The following KHDRBS3 variants were observed in gnomAD, a reference collection of about 807,000 sequenced individuals.
KHDRBS3 encodes the protein KH domain-containing, RNA-binding, signal transduction-associated protein 3.
KHDRBS3 carries 23 observed loss-of-function variants against 45.6 expected under a neutral mutation model. That is an observed-to-expected ratio of 0.50 (90% confidence interval 0.36 to 0.72). The LOEUF (loss-of-function observed/expected upper bound fraction) is 0.72, where lower values mean the gene tolerates loss of function less well. KHDRBS3 is among the 30% of genes least tolerant of loss of function. The probability of loss-of-function intolerance (pLI) is 0.00; values close to 1 mark genes in which losing one functional copy is unlikely to be tolerated. For synonymous variants in KHDRBS3, 162 were observed against 156.5 expected, an observed-to-expected ratio of 1.04 and a Z score of -0.26; for missense variants, 352 against 424.8, an observed-to-expected ratio of 0.83 and a Z score of 1.51.
intron 4 of KHDRBS3, among the ~76,000 whole-genome samples, chr8:135,556,332 C>T (rs978633753): frequency 1.3e-5 from 2 of 152,210 alleles, no homozygotes; most frequent in South Asian, 2.1e-4. Context: ...TGTAGTTGAA[C>T]TAATTTAAAC....
At chr8:135,650,194 G>A (rs1461284544), downstream of KHDRBS3, among the ~76,000 whole-genome samples, 5 of 152,146 alleles carry the variant, frequency 3.3e-5, no homozygotes, top group Admixed American at 6.5e-5. Flanking sequence ...CATGGAACCC[G>A]GTATTCAAAT....
chr8:135,518,666 T>C (rs1824750129), intron 1 of KHDRBS3, among the ~76,000 whole-genome samples: 1 of 152,244 alleles, frequency 6.6e-6, no homozygotes, highest in Non-Finnish European at 1.5e-5. Flanking sequence ...TAATTAAAGC[T>C]GAAGTCATGA....
chr8:135,617,833 C>T (rs913411011), intron 7 of KHDRBS3, among the ~76,000 whole-genome samples: 3 of 152,188 alleles, frequency 2.0e-5, no homozygotes, highest in African/African-American at 7.2e-5. Context: ...TAAAATTATG[C>T]ATGCCATTTT....
At chr8:135,579,130 G>A (rs1828083607) in intron 5 of KHDRBS3, among the ~76,000 whole-genome samples, 2 of 152,104 alleles carry the variant, frequency 1.3e-5, no homozygotes, top group South Asian at 4.1e-4. Context: ...TGCCAGTGAT[G>A]TCACCTGTGA....
rs1342695166 is a variant in KHDRBS3, at chr8:135,457,929, G to T, written c.63G>T (p.Thr21=). The change falls in exon 1 of 9, where the codon ACG becomes ACT. Residue 21 remains threonine (T), a synonymous_variant. Transcript: ENST00000355849. This position sits in a 1 kb window ranked among gnomAD's most constrained non-coding sequence, Gnocchi z 4.4. ...AGGACTCCCTGGACCCCTCCTTCAC[G>T]CACGCCCTGCGCCTGGTGAACCAAG... is the stretch of plus-strand genomic sequence containing the variant. ...AEKDSLDPSF[T]HALRLVNQEI... is the part of the protein sequence containing the mutation. 9 of 1,601,038 alleles carry T rather than the reference G, an allele frequency of 5.6e-6. No homozygotes were observed. In the Admixed American group the frequency reaches 1.4e-4, roughly 24 times the overall value.
At chr8:135,473,140 A>G (rs1183512796) in intron 1 of KHDRBS3, among the ~76,000 whole-genome samples, 4 of 151,834 alleles carry the variant, frequency 2.6e-5, no homozygotes, top group Non-Finnish European at 2.9e-5. Flanking sequence ...GCTGATGAGA[A>G]TTTGGAGGAG....
In KHDRBS3 at chr8:135,496,603, A is replaced by T. The variant is rs185018460; in HGVS notation, c.89-24634A>T. On this transcript the variant is annotated intron_variant, in intron 1 of 8. Coordinates refer to ENST00000355849, the MANE Select transcript of KHDRBS3 (RefSeq NM_006558.3). ...TCTGTAAATATCCACTAGGCTGAAC[A>T]TGAAGGAGGCTACTTAATAGGCAGG... Among the ~76,000 whole-genome samples the T allele has an allele frequency of 3.3e-5, 5 of 152,280 alleles. No individual in the cohort carries two copies. The East Asian group carries it at 9.7e-4, about 29-fold the overall frequency.
chr8:135,538,988 G>A (rs1429084979), intron 2 of KHDRBS3: 1 of 152,178 alleles, frequency 6.6e-6, no homozygotes, highest in Non-Finnish European at 1.5e-5. Context: ...TAGAATGCAT[G>A]GAGGAATTGA....
chr8:135,612,779 A>G (rs925654468), intron 7 of KHDRBS3, among the ~76,000 whole-genome samples: 2 of 151,834 alleles, frequency 1.3e-5, no homozygotes, highest in African/African-American at 4.9e-5. Flanking sequence ...TCAGTCCCCC[A>G]TGGCAGCCAC....
intron 1 of KHDRBS3, among the ~76,000 whole-genome samples, chr8:135,482,156 T>C (rs112459780): frequency 1.2e-4 from 19 of 152,210 alleles, no homozygotes; most frequent in African/African-American, 3.9e-4. Context: ...TTTCTGGTTT[T>C]CTTCTGGGTT....
intron 1 of KHDRBS3, among the ~76,000 whole-genome samples, chr8:135,476,564 A>G (rs1822298720): frequency 6.6e-6 from 1 of 152,156 alleles, no homozygotes; most frequent in South Asian, 2.1e-4. Context: ...TTATCCTTGC[A>G]CTTGCTTTTC....
intron 6 of KHDRBS3, among the ~76,000 whole-genome samples, chr8:135,603,900 A>G (rs1039360280): frequency 3.3e-5 from 5 of 151,954 alleles, no homozygotes; most frequent in East Asian, 3.9e-4. Flanking sequence ...AGTGTGCTCT[A>G]TAGATGTCGA....
chr8:135,592,365 T>C (rs1563791850), intron 6 of KHDRBS3, among the ~76,000 whole-genome samples: 1 of 152,206 alleles, frequency 6.6e-6, no homozygotes, highest in East Asian at 1.9e-4. Context: ...CTGTCATAAT[T>C]AGGCTTGCCC....
chr8:135,487,653 T>A (rs1188551143), intron 1 of KHDRBS3, among the ~76,000 whole-genome samples: 1 of 151,966 alleles, frequency 6.6e-6, no homozygotes. Flanking sequence ...GTGTTGAAAG[T>A]GTAAATGGGA....
chr8:135,584,376 G>A (rs1487478427), intron 6 of KHDRBS3, among the ~76,000 whole-genome samples: 2 of 152,332 alleles, frequency 1.3e-5, no homozygotes, highest in South Asian at 4.2e-4. Context: ...GCTTTGGGTG[G>A]TATAGTGGGA....
At chr8:135,474,529 C>T (rs1194400186) in intron 1 of KHDRBS3, among the ~76,000 whole-genome samples, 1 of 152,138 alleles carries the variant, frequency 6.6e-6, no homozygotes, top group Non-Finnish European at 1.5e-5. Flanking sequence ...GTTAATGAGC[C>T]AGTTTATATT....
At chr8:135,519,811 A>G (rs1396705066) in intron 1 of KHDRBS3, among the ~76,000 whole-genome samples, 3 of 152,228 alleles carry the variant, frequency 2.0e-5, no homozygotes, top group East Asian at 3.8e-4. Context: ...TTAGTTCGAA[A>G]TGGGAGGCTG....
At chr8:135,486,056 G>C (rs1255204644) in intron 1 of KHDRBS3, among the ~76,000 whole-genome samples, 1 of 151,922 alleles carries the variant, frequency 6.6e-6, no homozygotes, top group Admixed American at 6.6e-5. Context: ...TTCCCAGTCA[G>C]CTTTCTGAGA....
chr8:135,556,345 C>T (rs927089249), intron 4 of KHDRBS3, among the ~76,000 whole-genome samples: 12 of 152,198 alleles, frequency 7.9e-5, no homozygotes, highest in Non-Finnish European at 1.3e-4. Context: ...ATTTAAACTC[C>T]CACCAACAAT....
Sources: allele counts gnomAD v4.1 joint callset (sites outside exome capture counted in the v4.1 genomes callset), GRCh38; gene constraint gnomAD v4.1.1; non-coding constraint Gnocchi (gnomAD v3.1); transcripts MANE v1.5; gene names NCBI Gene and HGNC (gene_info 2026-07-23, HGNC 2026-07-21).